CLSTN2: variants seen among roughly 807,000 people sequenced by gnomAD.
CLSTN2 encodes calsyntenin-2.
CLSTN2 carries 48 observed loss-of-function variants against 101.2 expected under a neutral mutation model. That is an observed-to-expected ratio of 0.47 (90% confidence interval 0.38 to 0.60). The LOEUF (loss-of-function observed/expected upper bound fraction) is 0.60, where lower values mean the gene tolerates loss of function less well. CLSTN2 is among the 20% of genes least tolerant of loss of function. The probability of loss-of-function intolerance (pLI) is 0.00; values close to 1 mark genes in which losing one functional copy is unlikely to be tolerated. For missense variants in CLSTN2, 1,160 were observed against 1,238.2 expected, an observed-to-expected ratio of 0.94 and a Z score of 0.95; for synonymous variants, 481 against 463.6, an observed-to-expected ratio of 1.04 and a Z score of -0.48.
At chr3:140,334,200 A>G (rs1050314433) in intron 2 of CLSTN2, among the ~76,000 whole-genome samples, 9 of 152,222 alleles carry the variant, frequency 5.9e-5, no homozygotes, top group Admixed American at 5.2e-4. Context: ...CATCAAGAAA[A>G]GCATCCAAAT....
intron 1 of CLSTN2, among the ~76,000 whole-genome samples, chr3:139,968,677 A>G (rs1048833847): frequency 6.6e-6 from 1 of 152,258 alleles, no homozygotes; most frequent in Non-Finnish European, 1.5e-5. Context: ...ACAGAAGCAC[A>G]AATGCAACGA....
chr3:140,370,140 C>T (rs1343124765), intron 2 of CLSTN2, among the ~76,000 whole-genome samples: 1 of 152,202 alleles, frequency 6.6e-6, no homozygotes, highest in African/African-American at 2.4e-5. Flanking sequence ...CAGGGCCTCT[C>T]AACCCTGGCC....
intron 1 of CLSTN2, among the ~76,000 whole-genome samples, chr3:140,159,364 A>G (rs2010008832): frequency 6.6e-6 from 1 of 152,182 alleles, no homozygotes; most frequent in Admixed American, 6.5e-5. Flanking sequence ...GACCAAGGAC[A>G]TGAACAGACA....
rs765883592 is a variant in CLSTN2 at position 140,567,410 on chromosome 3, T to C, written c.*1157T>C. On this transcript the variant is annotated 3_prime_UTR_variant, in exon 17 of 17. Coordinates refer to ENST00000458420, the MANE Select transcript of CLSTN2 (RefSeq NM_022131.3). ...CAAGGAATTAGAAGCATATTTGCAA[T>C]CATTGCAGCTTCTTCTTTCTTCTGC... 6.6e-6 allele frequency: 1 copy of C among 152,272 alleles called. No homozygotes were observed. Among genetic ancestry groups the C allele is most frequent in the Non-Finnish European group, 1.5e-5 (1 of 68,050 alleles). The allele number at this position is 152,272 out of a possible 1,614,324, so 9.4% of individuals were successfully genotyped here.
intron 2 of CLSTN2, among the ~76,000 whole-genome samples, chr3:140,382,377 A>G (rs947160289): frequency 6.6e-6 from 1 of 152,330 alleles, no homozygotes; most frequent in Admixed American, 6.5e-5. Flanking sequence ...GGAAACAGTC[A>G]CTATTCCCCA....
At chr3:140,529,525 A>AT (rs1162160804) in intron 8 of CLSTN2, among the ~76,000 whole-genome samples, 1 of 152,162 alleles carries the variant, frequency 6.6e-6, no homozygotes, top group Non-Finnish European at 1.5e-5. Context: ...TGACACATTT[A>AT]TTTTAGCTGC....
intron 2 of CLSTN2, among the ~76,000 whole-genome samples, chr3:140,243,785 G>C (rs2086490996): frequency 6.6e-6 from 1 of 152,226 alleles, no homozygotes. Flanking sequence ...TACTGCATCA[G>C]ATGTGTAATC....
intron 2 of CLSTN2, among the ~76,000 whole-genome samples, chr3:140,229,948 T>C (rs530115655): frequency 6.6e-6 from 1 of 152,122 alleles, no homozygotes; most frequent in Non-Finnish European, 1.5e-5. Flanking sequence ...GCCCAGTTTA[T>C]TTTTTTGGTT....
In CLSTN2 at chr3:140,344,464, A is replaced by G. The variant is rs1441700245; in HGVS notation, c.233-59165A>G. ...CAGGAGGCAGGAGGAGAGTGTGTAAATATTTCCTGAAGAGTAATCTAATCT... is the reference window on the plus strand; with the variant it reads ...CAGGAGGCAGGAGGAGAGTGTGTAAGTATTTCCTGAAGAGTAATCTAATCT... On this transcript the variant is annotated intron_variant, in intron 2 of 16. Coordinates refer to ENST00000458420, the MANE Select transcript of CLSTN2 (RefSeq NM_022131.3). Among the ~76,000 whole-genome samples, 4 of 152,196 alleles carry G rather than the reference A, an allele frequency of 2.6e-5. No individual in the cohort carries two copies. The East Asian group carries it at 7.7e-4, about 29-fold the overall frequency.
intron 5 of CLSTN2, among the ~76,000 whole-genome samples, chr3:140,425,582 A>G (rs1169216395): frequency 6.6e-6 from 1 of 152,204 alleles, no homozygotes; most frequent in East Asian, 1.9e-4. Context: ...CTTGCAGCCC[A>G]TGGCACTGAA....
At chr3:140,198,409 C>T (rs1445214354) in intron 2 of CLSTN2, among the ~76,000 whole-genome samples, 1 of 152,174 alleles carries the variant, frequency 6.6e-6, no homozygotes, top group African/African-American at 2.4e-5. Context: ...CCTCTGTTCA[C>T]AGTCTCACCC....
chr3:139,992,694 G>A (rs1365557807), intron 1 of CLSTN2, among the ~76,000 whole-genome samples: 3 of 152,120 alleles, frequency 2.0e-5, no homozygotes, highest in Admixed American at 6.5e-5. Flanking sequence ...TTCTAGGAGC[G>A]GACATGGGAG....
intron 5 of CLSTN2, among the ~76,000 whole-genome samples, chr3:140,436,854 A>T (rs2088692916): frequency 6.6e-6 from 1 of 152,122 alleles, no homozygotes; most frequent in Non-Finnish European, 1.5e-5. Flanking sequence ...AAGCTTTATT[A>T]TTTGGTTACT....
At chr3:140,043,792 C>T (rs2007810399) in intron 1 of CLSTN2, among the ~76,000 whole-genome samples, 1 of 152,132 alleles carries the variant, frequency 6.6e-6, no homozygotes, top group South Asian at 2.1e-4. Context: ...ATCCTTTCCC[C>T]ATTTCTTGTT....
intron 1 of CLSTN2, among the ~76,000 whole-genome samples, chr3:140,061,087 C>T (rs1360660228): frequency 6.6e-6 from 1 of 152,174 alleles, no homozygotes; most frequent in Non-Finnish European, 1.5e-5. Flanking sequence ...TTCCTCGAGG[C>T]TTTTCTGATT....
intron 1 of CLSTN2, among the ~76,000 whole-genome samples, chr3:140,076,653 T>TTTTTTTTTTC (rs1491412394): frequency 3.7e-5 from 4 of 107,606 alleles, no homozygotes; most frequent in African/African-American, 1.2e-4. Flanking sequence ...TTTTTTTTTT[T>TTTTTTTTTTC]CCTAGCCTTC....
chr3:140,199,382 C>A (rs549640833), intron 2 of CLSTN2, among the ~76,000 whole-genome samples: 1 of 152,272 alleles, frequency 6.6e-6, no homozygotes, highest in South Asian at 2.1e-4. Flanking sequence ...TAAACACATT[C>A]TTGGGCTTCA....
intron 6 of CLSTN2, among the ~76,000 whole-genome samples, chr3:140,451,183 C>T (rs1933240474): frequency 6.6e-6 from 1 of 152,198 alleles, no homozygotes; most frequent in Non-Finnish European, 1.5e-5. Flanking sequence ...ATGATGGGAT[C>T]AGCTTGTTAA....
At chr3:139,961,903 T>C (rs1313889282) in intron 1 of CLSTN2, among the ~76,000 whole-genome samples, 1 of 152,166 alleles carries the variant, frequency 6.6e-6, no homozygotes. Context: ...ATATTTACAA[T>C]TTATATCTTA....
Sources: allele counts gnomAD v4.1 joint callset (sites outside exome capture counted in the v4.1 genomes callset), GRCh38; gene constraint gnomAD v4.1.1; transcripts MANE v1.5; gene names NCBI Gene and HGNC (gene_info 2026-07-23, HGNC 2026-07-21).